DACH1: variants seen among roughly 807,000 people sequenced by gnomAD.
DACH1 encodes the protein dachshund family transcription factor 1.
DACH1 carries 12 observed loss-of-function variants against 54.2 expected under a neutral mutation model. The ratio of observed to expected loss-of-function variants is 0.22; its 90% CI spans 0.14 to 0.36. The LOEUF is 0.36. Ranked by LOEUF, DACH1 falls within the 10% of genes least tolerant of loss-of-function variation. DACH1 has a pLI of 1.00. For missense variants in DACH1, 805 were observed against 929.8 expected (o/e 0.87, Z 1.75); for synonymous variants, 386 against 366.2 (o/e 1.05, Z -0.62).
chr13:71,704,816 TA>T (rs1407246197), intron 1 of DACH1, among the ~76,000 whole-genome samples: 1 of 152,170 alleles, frequency 6.6e-6, no homozygotes, highest in Non-Finnish European at 1.5e-5. Flanking sequence ...AACTTAATGT[TA>T]TTTTTTACTG....
intron 1 of DACH1, among the ~76,000 whole-genome samples, chr13:71,727,563 AAGATGT>A (rs1163707615): frequency 2.6e-5 from 4 of 152,084 alleles, no homozygotes; most frequent in African/African-American, 4.8e-5. Flanking sequence ...GATATGTACA[AAGATGT>A]AGGTTATAGG....
At chr13:71,656,771 T>G (rs929277755) in intron 2 of DACH1, among the ~76,000 whole-genome samples, 1 of 149,922 alleles carries the variant, frequency 6.7e-6, no homozygotes, top group Non-Finnish European at 1.5e-5. Flanking sequence ...AGATGAGTTT[T>G]CAAGTCAGAA....
chr13:71,634,523 T>G (rs542598636), intron 2 of DACH1, among the ~76,000 whole-genome samples: 1 of 152,342 alleles, frequency 6.6e-6, no homozygotes, highest in South Asian at 2.1e-4. Flanking sequence ...AAGCCCTCTA[T>G]GTCCTGGCCC....
At chr13:71,518,196 A>G (rs552871094) in intron 6 of DACH1, among the ~76,000 whole-genome samples, 62 of 151,992 alleles carry the variant, frequency 4.1e-4, no homozygotes, top group Admixed American at 1.1e-3. Flanking sequence ...AGTTTAAATA[A>G]GGTCATAAGG....
chr13:71,706,038 A>C (rs1882425427), intron 1 of DACH1, among the ~76,000 whole-genome samples: 1 of 152,000 alleles, frequency 6.6e-6, no homozygotes, highest in African/African-American at 2.4e-5. Context: ...CTAGTGATCA[A>C]AACCTTGTCA....
chr13:71,839,548 A>G (rs1460898292), intron 1 of DACH1, among the ~76,000 whole-genome samples: 1 of 152,174 alleles, frequency 6.6e-6, no homozygotes, highest in Non-Finnish European at 1.5e-5. Context: ...TGGAGCTTGT[A>G]GTGAGCAGAG....
At chr13:71,504,289 A>G (rs1174658766) in intron 6 of DACH1, among the ~76,000 whole-genome samples, 1 of 152,156 alleles carries the variant, frequency 6.6e-6, no homozygotes, top group East Asian at 1.9e-4. Context: ...AATTATTAGA[A>G]ATTTTAAAGT....
intron 6 of DACH1, among the ~76,000 whole-genome samples, chr13:71,517,262 A>C (rs1881231683): frequency 1.3e-5 from 2 of 151,858 alleles, no homozygotes; most frequent in Admixed American, 6.6e-5. Flanking sequence ...TCTCAATTAA[A>C]ATTACTTATA....
chr13:71,481,519 T>TA (rs1055452412), intron 7 of DACH1, among the ~76,000 whole-genome samples: 1 of 152,210 alleles, frequency 6.6e-6, no homozygotes, highest in Non-Finnish European at 1.5e-5. Flanking sequence ...CTAATGGTAA[T>TA]ACATTACCTA....
chr13:71,683,934 A>C (rs1881034724), intron 1 of DACH1, among the ~76,000 whole-genome samples: 1 of 152,108 alleles, frequency 6.6e-6, no homozygotes, highest in Non-Finnish European at 1.5e-5. Context: ...GCTTGTCTAA[A>C]TCTGAACTCA....
intron 6 of DACH1, among the ~76,000 whole-genome samples, chr13:71,511,315 A>G (rs1348504536): frequency 6.6e-6 from 1 of 152,000 alleles, no homozygotes; most frequent in Non-Finnish European, 1.5e-5. Context: ...GGAATTTGTG[A>G]GGAAACTGAA....
At chr13:71,580,647 A>G (rs911064097) in intron 3 of DACH1, among the ~76,000 whole-genome samples, 5 of 152,140 alleles carry the variant, frequency 3.3e-5, no homozygotes, top group Admixed American at 3.3e-4. Context: ...GTGAGATGGT[A>G]TGTTTTGGCA....
chr13:71,617,185 C>T (rs1412555088), intron 3 of DACH1, among the ~76,000 whole-genome samples: 1 of 152,102 alleles, frequency 6.6e-6, no homozygotes, highest in Non-Finnish European at 1.5e-5. Flanking sequence ...AATTTTTTTA[C>T]AAAACATGTG....
intron 6 of DACH1, among the ~76,000 whole-genome samples, chr13:71,539,093 T>C (rs779597397): frequency 6.6e-6 from 1 of 152,094 alleles, no homozygotes; most frequent in Non-Finnish European, 1.5e-5. Context: ...GAAATTGTTA[T>C]GGTTCTGCCA....
At chr13:71,699,097 G>T (rs117761523) in intron 1 of DACH1, among the ~76,000 whole-genome samples, 169 of 152,128 alleles carry the variant, frequency 1.1e-3, no homozygotes, top group Non-Finnish European at 1.5e-3. Context: ...GGATTGTAAC[G>T]GTAGATTTTA....
intron 1 of DACH1, among the ~76,000 whole-genome samples, chr13:71,746,170 A>G (rs1285919886): frequency 1.3e-5 from 2 of 152,180 alleles, no homozygotes; most frequent in African/African-American, 4.8e-5. Context: ...CTGAGCCGAG[A>G]TTGCGCCACT....
At chr13:71,772,527 A>T (rs1292522517) in intron 1 of DACH1, among the ~76,000 whole-genome samples, 1 of 151,732 alleles carries the variant, frequency 6.6e-6, no homozygotes, top group Non-Finnish European at 1.5e-5. Flanking sequence ...CTCACTTATC[A>T]TTAGCATCAC....
chr13:71,438,229 G>A lies in DACH1; in HGVS notation c.*2426C>T, dbSNP rs151158790. On this transcript the variant is annotated 3_prime_UTR_variant, in exon 11 of 11. Transcript: ENST00000613252. ...ATTTTCATAGGTCCTACATGAAGATGAGTATGTTCTGTTCCAAGGGCTTGC... is the reference window on the plus strand; with the variant it reads ...ATTTTCATAGGTCCTACATGAAGATAAGTATGTTCTGTTCCAAGGGCTTGC... 897 of 152,464 alleles carry A rather than the reference G, an allele frequency of 5.9e-3. 5 individuals carry two copies. The highest frequency in any genetic ancestry group is 8.4e-3 in the Non-Finnish European group (572 of 67,844). The allele number at this position is 152,464 out of a possible 1,614,324, so 9.4% of individuals were successfully genotyped here.
chr13:71,824,941 GA>G (rs1455070236), intron 1 of DACH1, among the ~76,000 whole-genome samples: 1 of 151,762 alleles, frequency 6.6e-6, no homozygotes, highest in African/African-American at 2.4e-5. Context: ...TTCATAATTG[GA>G]AAAAAACATG....
Sources: gnomAD v4.1 joint callset for allele counts (sites outside exome capture counted in the v4.1 genomes callset) on GRCh38, gnomAD v4.1.1 for gene constraint, MANE v1.5 for transcripts, NCBI Gene and HGNC (gene_info 2026-07-23, HGNC 2026-07-21) for gene names.